The following VAV2 variants were observed in gnomAD, a reference collection of about 807,000 sequenced individuals.
VAV2 encodes the protein vav guanine nucleotide exchange factor 2.
VAV2 carries 67 observed loss-of-function variants against 132.5 expected under a neutral mutation model. That is an observed-to-expected ratio of 0.51 (90% CI 0.42 to 0.62). The LOEUF (loss-of-function observed/expected upper bound fraction) is 0.62, where lower values mean the gene tolerates loss of function less well. VAV2 is among the 20% of genes least tolerant of loss of function. The pLI is 0.00. For missense variants in VAV2, 938 were observed against 1,153.6 expected (o/e 0.81, Z 2.71); for synonymous variants, 492 against 443.5 (o/e 1.11, Z -1.37).
intron 3 of VAV2, among the ~76,000 whole-genome samples, chr9:133,849,999 T>C (rs1557678): frequency 0.26 from 39,295 of 151,862 alleles, 6,829 homozygotes; most frequent in African/African-American, 0.5. Context: ...CACCCCCTTC[T>C]CTCAGGCTTG....
At chr9:133,867,500 G>A (rs1003453788) in intron 2 of VAV2, among the ~76,000 whole-genome samples, 2 of 152,206 alleles carry the variant, frequency 1.3e-5, no homozygotes, top group Non-Finnish European at 2.9e-5. Flanking sequence ...CCCTCGTCAA[G>A]CCTCCAGGAG....
intron 4 of VAV2, among the ~76,000 whole-genome samples, chr9:133,820,323 CTTTTTCTT>C (rs375539665): frequency 0.027 from 4,047 of 149,126 alleles, 187 homozygotes; most frequent in African/African-American, 0.097. Context: ...GTTTCTTTTT[CTTTTTCTT>C]TTTTTTTTTT....
rs1834632046 is a variant in VAV2, at chr9:133,794,597, A to G, written c.1101+1071T>C. Among the ~76,000 whole-genome samples, 1 of 152,218 alleles carries G rather than the reference A, an allele frequency of 6.6e-6. No individual in the cohort carries two copies. On this transcript the variant is annotated intron_variant, in intron 12 of 29. Coordinates refer to ENST00000371850, the MANE Select transcript of VAV2 (RefSeq NM_001134398.2). The surrounding 1 kb of genome is among the most constrained non-coding windows in gnomAD (Gnocchi z 4.6). The stretch of plus-strand genomic sequence containing the variant: ...TACCTGGGAAAGGAAAAGGGGGCCC[A>G]AAGCCCAGGGGGGCTGCCCAGAGGG...
intron 2 of VAV2, among the ~76,000 whole-genome samples, chr9:133,916,569 G>A (rs977185363): frequency 2.6e-5 from 4 of 152,076 alleles, no homozygotes; most frequent in African/African-American, 7.2e-5. Flanking sequence ...TCTCACTGGT[G>A]ATATGGATGG....
chr9:133,941,941 T>G (rs919392431), intron 1 of VAV2, among the ~76,000 whole-genome samples: 2 of 151,998 alleles, frequency 1.3e-5, no homozygotes, highest in Non-Finnish European at 2.9e-5. Flanking sequence ...AGTCGTCAGA[T>G]CCACAGAGAG....
At chr9:133,808,337 G>A (rs1332591943) in intron 7 of VAV2, among the ~76,000 whole-genome samples, 1 of 152,252 alleles carries the variant, frequency 6.6e-6, no homozygotes, top group Non-Finnish European at 1.5e-5. Flanking sequence ...GGCAGCCCAG[G>A]TCTCCCGGCT....
intron 1 of VAV2, among the ~76,000 whole-genome samples, chr9:133,939,713 C>G (rs535899743): frequency 6.6e-6 from 1 of 152,256 alleles, no homozygotes; most frequent in Non-Finnish European, 1.5e-5. Flanking sequence ...CACGTGGGCA[C>G]GTGCACAGGC....
At chr9:133,841,416 G>C (rs745533421) in intron 3 of VAV2, among the ~76,000 whole-genome samples, 5 of 151,980 alleles carry the variant, frequency 3.3e-5, no homozygotes, top group Non-Finnish European at 5.9e-5. Flanking sequence ...CAGAGCTCGT[G>C]GCCACTCCTG....
In VAV2 at chr9:133,807,295, C is replaced by A. The variant is rs757844156; in HGVS notation, c.698G>T (p.Ser233Ile). Residue 233 changes from serine to isoleucine, a missense_variant, in exon 8 of 30, where the codon AGC (serine) becomes ATC (isoleucine). Physicochemically the swap from Ser to Ile is moderately radical, Grantham distance 142. Coordinates refer to ENST00000371850, the MANE Select transcript of VAV2 (RefSeq NM_001134398.2). ...NYMSPLRLVL[S>I]PADMAAVFIN... ...GAAGACAGCTGCCATGTCCGCCGGG[C>A]TCAGCACCAGCCGCAGGGGGCTCAT... is the stretch of plus-strand genomic sequence containing the variant. 2 of 1,611,300 alleles carry A rather than the reference C, an allele frequency of 1.2e-6. 1 individual carries two copies. Among genetic ancestry groups the A allele is most frequent in the South Asian group, 2.2e-5 (2 of 90,466 alleles).
intron 2 of VAV2, among the ~76,000 whole-genome samples, chr9:133,868,566 C>T (rs1453323282): frequency 6.6e-6 from 1 of 152,208 alleles, no homozygotes; most frequent in Non-Finnish European, 1.5e-5. Flanking sequence ...AGAAGGTCCA[C>T]GGAGGGACTC....
intron 2 of VAV2, among the ~76,000 whole-genome samples, chr9:133,907,086 C>T (rs1283034976): frequency 6.6e-6 from 1 of 152,228 alleles, no homozygotes; most frequent in African/African-American, 2.4e-5. Context: ...CCTCTGGTGT[C>T]CACACTCTCT....
intron 2 of VAV2, among the ~76,000 whole-genome samples, chr9:133,924,582 T>C (rs1840407672): frequency 6.6e-6 from 1 of 152,222 alleles, no homozygotes; most frequent in Non-Finnish European, 1.5e-5. Flanking sequence ...CTAAGTCACC[T>C]ACACTGCAGC....
chr9:133,772,092 G>A (rs1368191262), intron 25 of VAV2, 46 bp from the exon 26 acceptor site: 12 of 1,525,568 alleles, frequency 7.9e-6, no homozygotes, highest in East Asian at 4.5e-5. Flanking sequence ...AGGGCCACAC[G>A]GCCCCGGCCC....
chr9:133,871,424 A>AGATG (rs1188777913), intron 2 of VAV2, among the ~76,000 whole-genome samples: 2 of 129,108 alleles, frequency 1.5e-5, no homozygotes, highest in African/African-American at 6.9e-5. Flanking sequence ...ATGGATGGAC[A>AGATG]GATGGATGGA....
chr9:133,797,996 G>A (rs1834788819), intron 9 of VAV2, among the ~76,000 whole-genome samples, 187 bp from the exon 10 acceptor site: 1 of 152,212 alleles, frequency 6.6e-6, no homozygotes, highest in African/African-American at 2.4e-5. Flanking sequence ...AAGCTACCGG[G>A]CCGCAGGAGG....
intron 2 of VAV2, among the ~76,000 whole-genome samples, chr9:133,893,898 T>C (rs1293831146): frequency 1.3e-5 from 2 of 152,140 alleles, no homozygotes; most frequent in African/African-American, 4.8e-5. Flanking sequence ...GTTGAATGCT[T>C]TACTGGACCT....
rs1422578070 is a variant in VAV2 at position 133,991,756 on chromosome 9, A to G, written c.204+319T>C. 6.6e-6 allele frequency among the ~76,000 whole-genome samples: 1 copy of G among 151,240 alleles called. No individual in the cohort carries two copies. The highest frequency in any genetic ancestry group is 1.5e-5 in the Non-Finnish European group (1 of 67,654). On this transcript the variant is annotated intron_variant, in intron 1 of 29. Transcript: ENST00000371850. The surrounding 1 kb of genome is among the most constrained non-coding windows in gnomAD (Gnocchi z 4.8). The stretch of plus-strand genomic sequence containing the variant: ...CCCTGGGAAATGAGGGGCCACTCGC[A>G]GGGCCCCGCAGAGCGAGCGCAGCGC...
chr9:133,787,770 C>T (rs1834286525), intron 15 of VAV2, among the ~76,000 whole-genome samples: 1 of 152,104 alleles, frequency 6.6e-6, no homozygotes, highest in Admixed American at 6.5e-5. Context: ...GCCCTGGCCC[C>T]ACCCGCTGGC....
At chr9:133,942,983 G>T (rs1382113743) in intron 1 of VAV2, among the ~76,000 whole-genome samples, 1 of 152,250 alleles carries the variant, frequency 6.6e-6, no homozygotes, top group Non-Finnish European at 1.5e-5. Context: ...CCTTCAGGGA[G>T]CATTTCCTGT....
Sources: allele counts gnomAD v4.1 joint callset (sites outside exome capture counted in the v4.1 genomes callset), GRCh38; gene constraint gnomAD v4.1.1; non-coding constraint Gnocchi (gnomAD v3.1); transcripts MANE v1.5; gene names NCBI Gene and HGNC (gene_info 2026-07-23, HGNC 2026-07-21).